HS3ST4: variants seen among roughly 807,000 people sequenced by gnomAD.
The protein encoded by HS3ST4 is heparan sulfate glucosamine 3-O-sulfotransferase 4.
In HS3ST4, 17 loss-of-function variants were observed where a neutral mutation model predicts 29.2. The observed-to-expected ratio is 0.58, with a 90% confidence interval of 0.40 to 0.87. HS3ST4 has a LOEUF of 0.87. Ranked by LOEUF, HS3ST4 falls within the 40% of genes least tolerant of loss-of-function variation. The pLI, the probability that HS3ST4 is intolerant of heterozygous loss-of-function variation, is 0.00. For missense variants in HS3ST4, 627 were observed against 634.5 expected (o/e 0.99, Z 0.13); for synonymous variants, 314 against 285.7 (o/e 1.10, Z -1.00).
chr16:25,950,149 G>A (rs2141696634), intron 1 of HS3ST4, among the ~76,000 whole-genome samples: 1 of 152,176 alleles, frequency 6.6e-6, no homozygotes, highest in East Asian at 1.9e-4. Context: ...GCGGTGGGCT[G>A]GAGGAAAAAA....
chr16:26,017,988 G>A (rs541051527), intron 1 of HS3ST4, among the ~76,000 whole-genome samples: 1 of 152,300 alleles, frequency 6.6e-6, no homozygotes, highest in South Asian at 2.1e-4. Flanking sequence ...GTTTCATTAG[G>A]AAGGATTATA....
At chr16:25,819,985 T>C (rs778215241) in intron 1 of HS3ST4, among the ~76,000 whole-genome samples, 11 of 108,186 alleles carry the variant, frequency 1.0e-4, no homozygotes, top group Non-Finnish European at 5.0e-5. Context: ...CACTCCAGCC[T>C]GGGTGACAGA....
intron 1 of HS3ST4, among the ~76,000 whole-genome samples, chr16:25,961,954 C>T (rs552123650): frequency 1.3e-5 from 2 of 152,224 alleles, no homozygotes; most frequent in Admixed American, 6.5e-5. Flanking sequence ...AACAAGTATG[C>T]TAGATAAGAT....
chr16:25,989,614 A>G (rs975433756), intron 1 of HS3ST4, among the ~76,000 whole-genome samples: 3 of 152,160 alleles, frequency 2.0e-5, no homozygotes, highest in Non-Finnish European at 4.4e-5. Context: ...TAAGTTTCGT[A>G]TGTTTGCAAA....
intron 1 of HS3ST4, among the ~76,000 whole-genome samples, chr16:25,950,920 A>G (rs146594675): frequency 3.4e-4 from 52 of 152,234 alleles, no homozygotes; most frequent in African/African-American, 1.3e-3. Flanking sequence ...CACTCTTCCT[A>G]TTATTATTGA....
chr16:26,066,196 TG>T (rs888536040), intron 1 of HS3ST4, among the ~76,000 whole-genome samples: 3 of 152,148 alleles, frequency 2.0e-5, no homozygotes, highest in Admixed American at 6.5e-5. Context: ...CACCTGTATG[TG>T]GGGTAAAAGC....
At chr16:25,977,625 A>G (rs796282680) in intron 1 of HS3ST4, among the ~76,000 whole-genome samples, 6 of 152,224 alleles carry the variant, frequency 3.9e-5, no homozygotes, top group African/African-American at 1.4e-4. Flanking sequence ...AATGATTTTG[A>G]AAACCCTGTT....
chr16:26,025,530 G>C (rs138802978), intron 1 of HS3ST4, among the ~76,000 whole-genome samples: 38 of 152,286 alleles, frequency 2.5e-4, no homozygotes, highest in African/African-American at 8.9e-4. Flanking sequence ...GGTCTCAGAA[G>C]AACTGGAACG....
Position 26,136,725 on chromosome 16 carries a change from T to C in HS3ST4, c.*477T>C, listed in dbSNP as rs1357133106. The C allele has an allele frequency of 5.9e-6, 1 of 168,746 alleles. No homozygotes were observed. The highest frequency in any genetic ancestry group is 2.4e-5 in the African/African-American group (1 of 41,636). The allele number at this position is 168,746 out of a possible 1,614,324, so 10.5% of individuals were successfully genotyped here. On this transcript the variant is annotated 3_prime_UTR_variant, in exon 2 of 2. Coordinates refer to ENST00000331351, the MANE Select transcript of HS3ST4 (RefSeq NM_006040.3). ...CCCCAGAATGCACTTTGTGGCTGAG[T>C]GCTCCAGGACTCCTAGGGAGCAAGG...
At chr16:25,839,589 T>C (rs1290559272) in intron 1 of HS3ST4, among the ~76,000 whole-genome samples, 1 of 152,224 alleles carries the variant, frequency 6.6e-6, no homozygotes, top group African/African-American at 2.4e-5. Flanking sequence ...CTTTCAGTTA[T>C]TTACATGGTC....
intron 1 of HS3ST4, among the ~76,000 whole-genome samples, chr16:26,027,838 G>T (rs1969490639): frequency 6.6e-6 from 1 of 152,162 alleles, no homozygotes; most frequent in African/African-American, 2.4e-5. Context: ...ATACAAGGGG[G>T]TGGGCCTAAA....
rs140610346 is a variant in HS3ST4, at chr16:25,803,462, A to T, written c.734+110311A>T. ...AGCACTGGAGCCAGGAGAATAGAAG[A>T]TGTAATGTTTTCAGCACTCACCTCT... is the stretch of plus-strand genomic sequence containing the variant. On this transcript the variant is annotated intron_variant, in intron 1 of 1. Coordinates refer to ENST00000331351, the MANE Select transcript of HS3ST4 (RefSeq NM_006040.3). Among the ~76,000 whole-genome samples the T allele has an allele frequency of 4.0e-3, 612 of 152,282 alleles. 2 individuals carry two copies. Among genetic ancestry groups the T allele is most frequent in the South Asian group, 8.1e-3 (39 of 4,828 alleles).
chr16:26,019,887 A>G (rs868637529), intron 1 of HS3ST4, among the ~76,000 whole-genome samples: 3 of 152,192 alleles, frequency 2.0e-5, no homozygotes, highest in Middle Eastern at 3.2e-3. Flanking sequence ...CGCATCACAC[A>G]GCCACCACAA....
chr16:25,772,681 C>T (rs956337863), intron 1 of HS3ST4, among the ~76,000 whole-genome samples: 5 of 152,184 alleles, frequency 3.3e-5, no homozygotes, highest in African/African-American at 1.2e-4. Context: ...GCCCCCATGT[C>T]TATAGGATTC....
At chr16:25,749,773 T>C (rs773916666) in intron 1 of HS3ST4, among the ~76,000 whole-genome samples, 17 of 152,206 alleles carry the variant, frequency 1.1e-4, no homozygotes, top group Non-Finnish European at 2.4e-4. Flanking sequence ...AATAATTCTT[T>C]GTTGTTGTTT....
chr16:25,943,480 T>A (rs1196585145), intron 1 of HS3ST4, among the ~76,000 whole-genome samples: 1 of 152,158 alleles, frequency 6.6e-6, no homozygotes, highest in Admixed American at 6.6e-5. Flanking sequence ...TGGATGACAT[T>A]TTGGGGCTAT....
chr16:25,812,237 C>T (rs1317865204), intron 1 of HS3ST4, among the ~76,000 whole-genome samples: 1 of 152,206 alleles, frequency 6.6e-6, no homozygotes, highest in Non-Finnish European at 1.5e-5. Flanking sequence ...ACAGGGAATA[C>T]ATACTCCATG....
At chr16:25,794,780 T>C (rs1356384183) in intron 1 of HS3ST4, among the ~76,000 whole-genome samples, 1 of 151,950 alleles carries the variant, frequency 6.6e-6, no homozygotes, top group Non-Finnish European at 1.5e-5. Flanking sequence ...TACCTTGATA[T>C]TCACCAGTGT....
chr16:25,895,406 G>A (rs971311204), intron 1 of HS3ST4, among the ~76,000 whole-genome samples: 2 of 152,210 alleles, frequency 1.3e-5, no homozygotes, highest in Admixed American at 6.5e-5. Context: ...TGTGATCAGA[G>A]TTGTTTTAGA....
Sources: gnomAD v4.1 joint callset for allele counts (sites outside exome capture counted in the v4.1 genomes callset) on GRCh38, gnomAD v4.1.1 for gene constraint, MANE v1.5 for transcripts, NCBI Gene and HGNC (gene_info 2026-07-23, HGNC 2026-07-21) for gene names.